Variants in LDHC observed in about 807,000 individuals in gnomAD.
LDHC encodes the protein L-lactate dehydrogenase C chain.
LDHC carries 20 observed loss-of-function variants against 30.2 expected under a neutral mutation model. The ratio of observed to expected loss-of-function variants is 0.66; its 90% CI spans 0.47 to 0.96. LDHC has a LOEUF of 0.96. Ranked by LOEUF, LDHC falls within the 40% of genes least tolerant of loss-of-function variation. The probability of loss-of-function intolerance (pLI) is 0.00; values close to 1 mark genes in which losing one functional copy is unlikely to be tolerated. For synonymous variants in LDHC, 139 were observed against 132.7 expected (o/e 1.05, Z -0.32); for missense variants, 362 against 394.9 (o/e 0.92, Z 0.71).
intron 6 of LDHC, among the ~76,000 whole-genome samples, chr11:18,445,698 C>T (rs989646640): frequency 3.3e-5 from 5 of 152,086 alleles, no homozygotes; most frequent in African/African-American, 7.2e-5. Flanking sequence ...AGGCTGGGCA[C>T]GGTGGCTCAC....
At chr11:18,432,067 T>G (rs1848275768) in intron 4 of LDHC, among the ~76,000 whole-genome samples, 1 of 152,222 alleles carries the variant, frequency 6.6e-6, no homozygotes, top group Admixed American at 6.5e-5. Flanking sequence ...GATTGTCTTT[T>G]GTGGTCTTTC....
At chr11:18,415,679 A>T (rs575199671) in intron 3 of LDHC, among the ~76,000 whole-genome samples, 1 of 150,530 alleles carries the variant, frequency 6.6e-6, no homozygotes, top group African/African-American at 2.4e-5. Context: ...TGATTGGGCC[A>T]TATAGTTTAT....
intron 3 of LDHC, among the ~76,000 whole-genome samples, chr11:18,415,533 G>A (rs1165829033): frequency 6.6e-6 from 1 of 152,122 alleles, no homozygotes; most frequent in East Asian, 1.9e-4. Context: ...CCAGCTTCAA[G>A]TGATTCTCCT....
intron 7 of LDHC, among the ~76,000 whole-genome samples, chr11:18,447,212 C>T (rs960863936): frequency 6.6e-6 from 1 of 151,366 alleles, no homozygotes; most frequent in Non-Finnish European, 1.5e-5. Flanking sequence ...TGGCTCACTG[C>T]AAGCTCCACC....
intron 6 of LDHC, among the ~76,000 whole-genome samples, chr11:18,445,796 C>A (rs1048954301): frequency 6.6e-6 from 1 of 152,046 alleles, no homozygotes; most frequent in Non-Finnish European, 1.5e-5. Flanking sequence ...CATGGCGAAA[C>A]CCTGTATCTA....
chr11:18,417,904 A>T (rs1867052521), intron 3 of LDHC, among the ~76,000 whole-genome samples: 1 of 152,078 alleles, frequency 6.6e-6, no homozygotes, highest in South Asian at 2.1e-4. Flanking sequence ...CCCTGTCTCC[A>T]TTGTGCCTGT....
At chr11:18,437,582 C>A (rs1848376635) in intron 5 of LDHC, among the ~76,000 whole-genome samples, 1 of 151,950 alleles carries the variant, frequency 6.6e-6, no homozygotes, top group African/African-American at 2.4e-5. Flanking sequence ...GAAAACCCGT[C>A]TCTACTAAAA....
At chr11:18,450,010 A>C (rs1018883578) in intron 7 of LDHC, 1 of 151,258 alleles carries the variant, frequency 6.6e-6, no homozygotes, top group African/African-American at 2.4e-5. Flanking sequence ...GAGTGGTAGG[A>C]GGCAGGGAAG....
chr11:18,422,956 T>G (rs899085267), intron 3 of LDHC, among the ~76,000 whole-genome samples: 1 of 151,468 alleles, frequency 6.6e-6, no homozygotes, highest in Admixed American at 6.6e-5. Flanking sequence ...CACTCCAGCC[T>G]GGGTGACATG....
At chr11:18,442,025 A>G (rs1848475473) in intron 6 of LDHC, among the ~76,000 whole-genome samples, 1 of 152,208 alleles carries the variant, frequency 6.6e-6, no homozygotes, top group South Asian at 2.1e-4. Flanking sequence ...AGACTTCCCC[A>G]GCACAGGAAA....
chr11:18,414,426 T>C (rs1866966593), intron 2 of LDHC, among the ~76,000 whole-genome samples: 1 of 152,214 alleles, frequency 6.6e-6, no homozygotes, highest in African/African-American at 2.4e-5. Flanking sequence ...ACTAGACAGA[T>C]GAAAACAATA....
At chr11:18,429,610 A>T in intron 3 of LDHC, 127 bp from the exon 4 acceptor site, 2 of 471,132 alleles carry the variant, frequency 4.2e-6, no homozygotes, top group Middle Eastern at 5.2e-4. Context: ...CATCTCCAAA[A>T]TGCCAGACAT....
intron 3 of LDHC, among the ~76,000 whole-genome samples, chr11:18,421,870 T>C (rs1307184068): frequency 6.6e-6 from 1 of 152,088 alleles, no homozygotes. Flanking sequence ...ATGCCTGTAG[T>C]CTCAGCACTT....
At chr11:18,413,880 A>G (rs1866952603) in intron 2 of LDHC, among the ~76,000 whole-genome samples, 1 of 152,234 alleles carries the variant, frequency 6.6e-6, no homozygotes, top group Non-Finnish European at 1.5e-5. Flanking sequence ...ACAAAAACCC[A>G]GTTTAAATTA....
rs1253683535 is a variant in LDHC at position 18,429,822 on chromosome 11, C to G, written c.330C>G (p.Val110=). ...QQEGETRLAL[V]QRNVAIMKSI... The stretch of plus-strand genomic sequence containing the variant: ...AGGGAGAAACTCGCCTTGCCCTGGT[C>G]CAACGTAATGTGGCTATAATGAAAT... Residue 110 remains valine, a synonymous_variant, in exon 4 of 8, where the codon GTC becomes GTG. Coordinates refer to ENST00000541669, the MANE Select transcript of LDHC (RefSeq NM_017448.5). The G allele has an allele frequency of 2.5e-6, 4 of 1,611,514 alleles. No homozygotes were observed. The Admixed American group carries it at 6.7e-5, about 27-fold the overall frequency.
chr11:18,418,532 A>C (rs965350627), intron 3 of LDHC, among the ~76,000 whole-genome samples: 1 of 151,502 alleles, frequency 6.6e-6, no homozygotes, highest in Non-Finnish European at 1.5e-5. Flanking sequence ...CAGGTTCAAG[A>C]GATTCTCCTG....
intron 6 of LDHC, among the ~76,000 whole-genome samples, chr11:18,440,951 T>A (rs1317340603): frequency 1.3e-4 from 19 of 145,806 alleles, no homozygotes; most frequent in South Asian, 6.6e-4. Flanking sequence ...AAAAAATAAA[T>A]AAATAAAATA....
intron 4 of LDHC, among the ~76,000 whole-genome samples, chr11:18,433,382 T>C (rs1164211844): frequency 6.7e-6 from 1 of 149,290 alleles, no homozygotes; most frequent in Admixed American, 6.7e-5. Flanking sequence ...CAAGACTCCA[T>C]CTCAAAAAAA....
intron 6 of LDHC, among the ~76,000 whole-genome samples, chr11:18,445,532 A>G (rs1033573971): frequency 1.3e-5 from 2 of 152,184 alleles, no homozygotes; most frequent in Non-Finnish European, 1.5e-5. Context: ...AGAGATTTAT[A>G]TGGTAACTTT....
Sources: gnomAD v4.1 joint callset for allele counts (sites outside exome capture counted in the v4.1 genomes callset) on GRCh38, gnomAD v4.1.1 for gene constraint, MANE v1.5 for transcripts, NCBI Gene and HGNC (gene_info 2026-07-23, HGNC 2026-07-21) for gene names.